GALK2: variants seen among roughly 807,000 people sequenced by gnomAD.
GALK2 encodes the protein galactokinase 2.
Under a neutral mutation model 52.4 loss-of-function variants are expected in GALK2, and 36 were observed. The ratio of observed to expected loss-of-function variants is 0.69; its 90% CI spans 0.53 to 0.91. The LOEUF is 0.91. Ranked by LOEUF, GALK2 falls within the 40% of genes least tolerant of loss-of-function variation. GALK2 has a pLI of 0.00. For synonymous variants in GALK2, 176 were observed against 199.1 expected, an observed-to-expected ratio of 0.88 and a Z score of 0.98; for missense variants, 579 against 559.1, an observed-to-expected ratio of 1.04 and a Z score of -0.36.
chr15:49,190,285 A>G (rs901304364), intron 1 of GALK2, among the ~76,000 whole-genome samples: 3 of 152,188 alleles, frequency 2.0e-5, no homozygotes, highest in African/African-American at 7.2e-5. Context: ...AGCAATGCAA[A>G]TGATTTTTTT....
intron 3 of GALK2, among the ~76,000 whole-genome samples, chr15:49,222,515 T>C (rs2089867319): frequency 6.6e-6 from 1 of 152,186 alleles, no homozygotes; most frequent in Non-Finnish European, 1.5e-5. Flanking sequence ...TTTGATATGA[T>C]GTTAGCTGTG....
At chr15:49,229,973 G>A (rs1025691759) in intron 3 of GALK2, among the ~76,000 whole-genome samples, 5 of 152,176 alleles carry the variant, frequency 3.3e-5, no homozygotes, top group Non-Finnish European at 7.3e-5. Flanking sequence ...GAGGGAGTCT[G>A]TATTTAGGGC....
chr15:49,165,394 C>T (rs907470336), upstream of GALK2, among the ~76,000 whole-genome samples: 7 of 152,136 alleles, frequency 4.6e-5, no homozygotes, highest in African/African-American at 1.2e-4. Context: ...AGTGGAACCA[C>T]GCTAATCTGA....
intron 3 of GALK2, among the ~76,000 whole-genome samples, chr15:49,345,242 T>C (rs1193729712): frequency 1.3e-5 from 2 of 152,224 alleles, no homozygotes; most frequent in Non-Finnish European, 2.9e-5. Context: ...TCTTATAAAT[T>C]ATTAATTTTG....
chr15:49,230,352 G>C (rs2090432815), intron 3 of GALK2, among the ~76,000 whole-genome samples: 4 of 152,206 alleles, frequency 2.6e-5, no homozygotes, highest in Admixed American at 2.6e-4. Context: ...TGATAGTAAT[G>C]TGGACCACTT....
intron 1 of GALK2, among the ~76,000 whole-genome samples, chr15:49,178,194 A>AATAT (rs1566907035): frequency 2.5e-5 from 1 of 39,608 alleles, no homozygotes; most frequent in Non-Finnish European, 4.5e-5. Flanking sequence ...AAAAAGAAAT[A>AATAT]CTATATATAT....
chr15:49,323,526 G>A (rs944589278), intron 9 of GALK2, among the ~76,000 whole-genome samples: 3 of 152,132 alleles, frequency 2.0e-5, no homozygotes, highest in African/African-American at 7.2e-5. Context: ...GTTTCTGAAG[G>A]GCTTCTTGGA....
At chr15:49,313,845 T>G (rs2036193419) in intron 8 of GALK2, among the ~76,000 whole-genome samples, 1 of 151,930 alleles carries the variant, frequency 6.6e-6, no homozygotes, top group African/African-American at 2.4e-5. Context: ...TAAAATTAAA[T>G]CAGTGAAGCT....
At position 49,359,520 on chromosome 15, in the gene GALK2, A is replaced by G. The variant is rs2043800690; in HGVS notation, c.427-7971A>G. Among the ~76,000 whole-genome samples the G allele has an allele frequency of 2.5e-5, 3 of 118,496 alleles. 1 individual carries two copies. Among genetic ancestry groups the G allele is most frequent in the African/African-American group, 9.7e-5 (3 of 30,772 alleles). 77.7% of individuals were successfully genotyped at this position (118,496 alleles called of 152,430 possible). A position where few individuals can be genotyped will look rare whatever the true frequency, so the allele number is the denominator to read the frequency against. On this transcript the variant is annotated intron_variant, in intron 3 of 3. Transcript: ENST00000558399. ...TCATCACTGGCCGTCAGAGAAATGC[A>G]AATCAAAACCACAATGAGATACCAT...
intron 8 of GALK2, among the ~76,000 whole-genome samples, chr15:49,300,806 C>G (rs1596025449): frequency 6.6e-6 from 1 of 152,146 alleles, no homozygotes; most frequent in Non-Finnish European, 1.5e-5. Context: ...TGAGGCCTCC[C>G]CAGCCATGCT....
chr15:49,266,350 A>C (rs1052611576), intron 5 of GALK2, among the ~76,000 whole-genome samples: 1 of 152,162 alleles, frequency 6.6e-6, no homozygotes, highest in Non-Finnish European at 1.5e-5. Context: ...GATGGGTGGA[A>C]CTGCAAAGTC....
At chr15:49,224,820 A>C (rs2090038718) in intron 3 of GALK2, among the ~76,000 whole-genome samples, 2 of 152,206 alleles carry the variant, frequency 1.3e-5, no homozygotes, top group South Asian at 4.2e-4. Context: ...TTCTCCTCTG[A>C]GAGAAGTGGT....
At chr15:49,206,182 G>C (rs1416603636) in intron 2 of GALK2, among the ~76,000 whole-genome samples, 2 of 151,638 alleles carry the variant, frequency 1.3e-5, no homozygotes, top group Admixed American at 1.3e-4. Context: ...CTCCAGATTT[G>C]TTTCTTTTTG....
chr15:49,220,224 G>A (rs78869192), intron 3 of GALK2, among the ~76,000 whole-genome samples: 9,162 of 151,818 alleles, frequency 0.06, 549 homozygotes, highest in African/African-American at 0.15. Context: ...CTATCTAACC[G>A]TATGTTTTTA....
In GALK2 at chr15:49,327,948, T is replaced by A; in HGVS notation, c.1170-4T>A. 1 of 1,606,548 alleles carries A rather than the reference T, an allele frequency of 6.2e-7. No homozygotes were observed. The highest frequency in any genetic ancestry group is 8.5e-7 in the Non-Finnish European group (1 of 1,175,584). ...TTCTAATATTTTTTTCCTCACTGTT[T>A]TAGGAAGTTTGGGGCTCAAGGGTCA... On this transcript the variant is annotated splice_region_variant and splice_polypyrimidine_tract_variant and intron_variant, in intron 9 of 9. Coordinates refer to ENST00000560031, the MANE Select transcript of GALK2 (RefSeq NM_002044.4).
rs2034028667 is a variant in GALK2, at chr15:49,292,449, AC to A, written c.882del (p.Tyr295IlefsTer22). ...TCACAGAAGATGCCCTTCATCCTGA[AC>A]CCTATAACCCTGAGGAGATCTGCAG... Reference protein sequence around the residue: ...LVTEDALHPEPYNPEEICRCL... With the variant: ...LVTEDALHPEXYNPEEICRCL... On this transcript the variant is annotated frameshift_variant, in exon 8 of 10. Transcript: ENST00000560031. LOFTEE classifies it high-confidence loss of function. 1 of 1,614,014 alleles carries A rather than the reference AC, an allele frequency of 6.2e-7. No individual in the cohort carries two copies. Among genetic ancestry groups the A allele is most frequent in the East Asian group, 2.2e-5 (1 of 44,868 alleles).
intron 1 of GALK2, among the ~76,000 whole-genome samples, chr15:49,196,350 T>C (rs1395472387): frequency 1.3e-5 from 2 of 152,176 alleles, no homozygotes; most frequent in Non-Finnish European, 2.9e-5. Flanking sequence ...TTTTAGATTC[T>C]ATCTTTCACT....
At position 49,283,945 on chromosome 15, in the gene GALK2, A is replaced by G. The variant is rs189678203; in HGVS notation, c.756+227A>G. Among the ~76,000 whole-genome samples, 3 of 152,276 alleles carry G rather than the reference A, an allele frequency of 2.0e-5. No individual in the cohort carries two copies. The East Asian group carries it at 5.8e-4, about 29-fold the overall frequency. ...CACTGGGAAGAAAAGGGCAGCTTATATATGTGAAGCAGAATTATAGGTTAG... is the reference window on the plus strand; with the variant it reads ...CACTGGGAAGAAAAGGGCAGCTTATGTATGTGAAGCAGAATTATAGGTTAG... On this transcript the variant is annotated intron_variant, in intron 7 of 9. Transcript: ENST00000560031.
chr15:49,328,868 C>G lies in GALK2; in HGVS notation c.*709C>G. 2 of 1,334,792 alleles carry G rather than the reference C, an allele frequency of 1.5e-6. No individual in the cohort carries two copies. The highest frequency in any genetic ancestry group is 1.9e-6 in the Non-Finnish European group (2 of 1,041,276). The allele number at this position is 1,334,792 out of a possible 1,614,324, so 82.7% of individuals were successfully genotyped here. On this transcript the variant is annotated 3_prime_UTR_variant, in exon 10 of 10. Coordinates refer to ENST00000560031, the MANE Select transcript of GALK2 (RefSeq NM_002044.4). ...CATGTAATATATAAATAACCACTTT[C>G]AATTCTTTTGGCCCTGAGCTATCTC...
Sources: allele counts gnomAD v4.1 joint callset (sites outside exome capture counted in the v4.1 genomes callset), GRCh38; gene constraint gnomAD v4.1.1; transcripts MANE v1.5; gene names NCBI Gene and HGNC (gene_info 2026-07-23, HGNC 2026-07-21).